DSP: variants seen among roughly 807,000 people sequenced by gnomAD.
DSP encodes desmoplakin.
DSP carries 114 observed loss-of-function variants against 290.6 expected under a neutral mutation model. That is an observed-to-expected ratio of 0.39 (90% confidence interval 0.34 to 0.46). The LOEUF is 0.46. DSP is among the 20% of genes least tolerant of loss of function. The pLI is 0.99. For missense variants in DSP, 3,230 were observed against 3,495.8 expected, an observed-to-expected ratio of 0.92 and a Z score of 1.92; for synonymous variants, 1,311 against 1,316.4, an observed-to-expected ratio of 1.00 and a Z score of 0.09.
intron 1 of DSP, among the ~76,000 whole-genome samples, chr6:7,554,730 C>T (rs1323412230): frequency 6.6e-6 from 1 of 152,136 alleles, no homozygotes; most frequent in Non-Finnish European, 1.5e-5. Flanking sequence ...CTGTAGCCTC[C>T]AACTCGTGGG....
chr6:7,586,167 C>T lies in DSP; in HGVS notation c.*289C>T, dbSNP rs886061749. The T allele has an allele frequency of 1.1e-4, 32 of 304,104 alleles. 1 individual carries two copies. Among genetic ancestry groups the T allele is most frequent in the African/African-American group, 6.5e-5 (3 of 45,938 alleles). 18.8% of individuals were successfully genotyped at this position (304,104 alleles called of 1,614,324 possible). ...GATTTGTTTCTTCTCTTCTGTGTTT[C>T]GATTTTTGATCAATTCTTTAATTTT... On this transcript the variant is annotated 3_prime_UTR_variant, in exon 24 of 24. Transcript: ENST00000379802.
At position 7,559,124 on chromosome 6, in the gene DSP, C is replaced by T. The variant is rs1487781455; in HGVS notation, c.423-102C>T. On this transcript the variant is annotated intron_variant, in intron 3 of 23. Coordinates refer to ENST00000379802, the MANE Select transcript of DSP (RefSeq NM_004415.4). ...TTCAAATACCATAAAACATTTGTAG[C>T]TTCTCTATTGACACAAAAGACTCAG... 3.1e-6 allele frequency: 4 copies of T among 1,307,682 alleles called. No homozygotes were observed. The East Asian group carries it at 6.9e-5, about 23-fold the overall frequency. The allele number at this position is 1,307,682 out of a possible 1,614,324, so 81.0% of individuals were successfully genotyped here.
intron 18 of DSP, among the ~76,000 whole-genome samples, chr6:7,575,791 A>T (rs768208289): frequency 2.6e-5 from 4 of 152,224 alleles, no homozygotes; most frequent in Admixed American, 6.5e-5. Context: ...TGGAAGGAGT[A>T]GCTGCCTTGA....
Position 7,583,778 on chromosome 6 carries a change from T to G in DSP, c.6516T>G (p.Phe2172Leu), listed in dbSNP as rs1266595950. The G allele has an allele frequency of 6.2e-7, 1 of 1,614,026 alleles. No individual in the cohort carries two copies. Among genetic ancestry groups the G allele is most frequent in the Admixed American group, 1.7e-5 (1 of 60,006 alleles). Residue 2172 changes from phenylalanine to leucine, a missense_variant, in exon 24 of 24, where the codon TTT becomes TTG. Transcript: ENST00000379802. This position sits in a 1 kb window ranked among gnomAD's most constrained non-coding sequence, Gnocchi z 4.0. ...LNDPRDSQKN[F>L]VDPVTKKKVS... is the part of the protein sequence containing the mutation. ...ATCCCCGAGATAGTCAGAAAAACTTTGTGGATCCAGTCACCAAAAAGAAGG... is the reference window on the plus strand; with the variant it reads ...ATCCCCGAGATAGTCAGAAAAACTTGGTGGATCCAGTCACCAAAAAGAAGG...
rs749695729 is a variant in DSP at position 7,566,435 on chromosome 6, G to C, written c.998G>C (p.Ser333Thr). ...EKELNKLKQE[S>T]DQLVLNQHPA... ...GAGCTCAATAAGCTGAAACAAGAAAGTGACCAACTTGTCCTCAATCAGCAT... is the reference window on the plus strand; with the variant it reads ...GAGCTCAATAAGCTGAAACAAGAAACTGACCAACTTGTCCTCAATCAGCAT... Residue 333 changes from serine to threonine, a missense_variant, in exon 8 of 24, where the codon AGT becomes ACT. Coordinates refer to ENST00000379802, the MANE Select transcript of DSP (RefSeq NM_004415.4). 2 of 1,613,934 alleles carry C rather than the reference G, an allele frequency of 1.2e-6. No individual in the cohort carries two copies. The highest frequency in any genetic ancestry group is 1.3e-5 in the African/African-American group (1 of 74,994).
rs1759370500 is a variant in DSP, at chr6:7,580,005, A to G, written c.3815A>G (p.Glu1272Gly). 6.2e-7 allele frequency: 1 copy of G among 1,614,182 alleles called. No homozygotes were observed. Among genetic ancestry groups the G allele is most frequent in the Non-Finnish European group, 8.5e-7 (1 of 1,180,040 alleles). Reference sequence around the variant, plus strand: ...ACTGAGCAGCGAAGGCGAGCTGAAGAAAACGCCCTTCAGCAAAAGGCCTGT... The same window carrying G: ...ACTGAGCAGCGAAGGCGAGCTGAAGGAAACGCCCTTCAGCAAAAGGCCTGT... ...QATEQRRRAE[E>G]NALQQKACGS... is the part of the protein sequence containing the mutation. The change falls in exon 23 of 24, where the codon GAA becomes GGA. Residue 1272 changes from glutamate to glycine, a missense_variant. Around this residue, in one of 5 missense-constraint regions of DSP, gnomAD observed 1,714 missense variants for 1,844.5 expected, o/e 0.93. Coordinates refer to ENST00000379802, the MANE Select transcript of DSP (RefSeq NM_004415.4). The surrounding 1 kb of genome is among the most constrained non-coding windows in gnomAD (Gnocchi z 4.2).
Position 7,581,309 on chromosome 6 carries a change from C to T in DSP, c.5119C>T (p.Gln1707Ter). The T allele has an allele frequency of 6.2e-7, 1 of 1,614,170 alleles. No individual in the cohort carries two copies. The highest frequency in any genetic ancestry group is 8.5e-7 in the Non-Finnish European group (1 of 1,180,048). Residue 1707 changes from glutamine (Q) to a stop codon, truncating the protein, a stop_gained, in exon 23 of 24, where the codon CAG becomes TAG. Coordinates refer to ENST00000379802, the MANE Select transcript of DSP (RefSeq NM_004415.4). LOFTEE classifies it high-confidence loss of function. Reference sequence around the variant, plus strand: ...AAGCAAAATAGAAATTGAGAGGCTGCAGTCTCTCACAGAGAACCTGACCAA... The same window carrying T: ...AAGCAAAATAGAAATTGAGAGGCTGTAGTCTCTCACAGAGAACCTGACCAA... Reference protein sequence around the residue: ...NESKIEIERLQSLTENLTKEH... With the variant: ...NESKIEIERL
intron 1 of DSP, among the ~76,000 whole-genome samples, chr6:7,550,695 T>A (rs995568533): frequency 6.6e-6 from 1 of 152,152 alleles, no homozygotes; most frequent in Non-Finnish European, 1.5e-5. Context: ...AGTTAAAAAC[T>A]TTTAAGGATG....
intron 2 of DSP, 49 bp downstream of exon 2, chr6:7,555,869 C>A (rs900344614): frequency 1.3e-6 from 2 of 1,552,198 alleles, no homozygotes; most frequent in Admixed American, 3.5e-5. Context: ...TGGCCACACC[C>A]GACTGTCCTC....
intron 6 of DSP, 116 bp downstream of exon 6, chr6:7,563,902 G>A: frequency 1.1e-6 from 1 of 928,962 alleles, no homozygotes; most frequent in Non-Finnish European, 1.8e-6. Flanking sequence ...TGCTAATGTT[G>A]TTGCTGCTGC....
At chr6:7,545,924 A>G (rs1758158868) in intron 1 of DSP, among the ~76,000 whole-genome samples, 1 of 152,232 alleles carries the variant, frequency 6.6e-6, no homozygotes, top group Admixed American at 6.5e-5. Flanking sequence ...AGGCAGTAAG[A>G]TGAAAGGAAG....
chr6:7,542,640 T>A (rs1216881540), intron 1 of DSP, among the ~76,000 whole-genome samples: 1 of 151,918 alleles, frequency 6.6e-6, no homozygotes, highest in Non-Finnish European at 1.5e-5. Context: ...GTATCAAGGC[T>A]GCGCGTCCCG....
chr6:7,575,853 G>A (rs1759225062), intron 18 of DSP, among the ~76,000 whole-genome samples: 1 of 152,148 alleles, frequency 6.6e-6, no homozygotes, highest in Non-Finnish European at 1.5e-5. Context: ...CAAAAAAAAT[G>A]CCTTTCTGCA....
Position 7,582,695 on chromosome 6 carries a change from AAGAG to A in DSP, c.5438_5441del (p.Glu1813AlafsTer4). ...ATCAGTGTACTCAGGTGGTACAGGAAAGAGAGAGCCTTCTGGTGAAAATCAAAGT... is the reference window on the plus strand; with the variant it reads ...ATCAGTGTACTCAGGTGGTACAGGAAAGAGCCTTCTGGTGAAAATCAAAGT... On this transcript the variant is annotated frameshift_variant, in exon 24 of 24. Transcript: ENST00000379802. LOFTEE classifies it high-confidence loss of function. This position sits in a 1 kb window ranked among gnomAD's most constrained non-coding sequence, Gnocchi z 4.2. 6.2e-7 allele frequency: 1 copy of A among 1,613,802 alleles called. No homozygotes were observed. The highest frequency in any genetic ancestry group is 8.5e-7 in the Non-Finnish European group (1 of 1,179,916).
Position 7,586,205 on chromosome 6 carries a change from TACA to T in DSP, c.*328_*330del. 2 of 231,008 alleles carry T rather than the reference TACA, an allele frequency of 8.7e-6. No individual in the cohort carries two copies. The highest frequency in any genetic ancestry group is 1.7e-5 in the Non-Finnish European group (2 of 117,594). The allele number at this position is 231,008 out of a possible 1,614,324, so 14.3% of individuals were successfully genotyped here. A position where few individuals can be genotyped will look rare whatever the true frequency, so the allele number is the denominator to read the frequency against. ...ATTCTTTAATTTTGGAAGCCTATAA[TACA>T]GTTTTCTATTCTTGGAGATAAAAAT... is the stretch of plus-strand genomic sequence containing the variant. On this transcript the variant is annotated 3_prime_UTR_variant, in exon 24 of 24. Coordinates refer to ENST00000379802, the MANE Select transcript of DSP (RefSeq NM_004415.4).
chr6:7,585,450 C>T lies in DSP; in HGVS notation c.8188C>T (p.Gln2730Ter). The change falls in exon 24 of 24, where the codon CAG becomes TAG. Residue 2730 changes from glutamine (Q) to a stop codon, truncating the protein, a stop_gained. Transcript: ENST00000379802. LOFTEE classifies it high-confidence loss of function. Reference protein sequence around the residue: ...YEAGQRFLEFQYLTGGLVDPE... With the variant: ...YEAGQRFLEF ...GGCTGGCCAGCGCTTCCTGGAGTTCCAGTACCTCACGGGAGGTCTTGTTGA... is the reference window on the plus strand; with the variant it reads ...GGCTGGCCAGCGCTTCCTGGAGTTCTAGTACCTCACGGGAGGTCTTGTTGA... 1 of 1,614,144 alleles carries T rather than the reference C, an allele frequency of 6.2e-7. No individual in the cohort carries two copies. Among genetic ancestry groups the T allele is most frequent in the Non-Finnish European group, 8.5e-7 (1 of 1,180,018 alleles).
Position 7,575,371 on chromosome 6 carries a change from T to G in DSP, c.2513T>G (p.Ile838Ser). The G allele has an allele frequency of 6.2e-7, 1 of 1,614,014 alleles. No individual in the cohort carries two copies. The highest frequency in any genetic ancestry group is 1.3e-5 in the African/African-American group (1 of 74,974). ...MKTELQKAQQ[I>S]HSQTSQQYPL... ...ACAGAACTACAGAAAGCCCAGCAGATCCACTCTCAGACTTCACAGCAGTAT... is the reference window on the plus strand; with the variant it reads ...ACAGAACTACAGAAAGCCCAGCAGAGCCACTCTCAGACTTCACAGCAGTAT... The change falls in exon 18 of 24, where the codon ATC becomes AGC. Residue 838 changes from isoleucine to serine, a missense_variant. Around this residue, in one of 5 missense-constraint regions of DSP, gnomAD observed 1,714 missense variants for 1,844.5 expected, o/e 0.93. Transcript: ENST00000379802.
In DSP at chr6:7,566,402, A is replaced by G. The variant is rs757098196; in HGVS notation, c.965A>G (p.Lys322Arg). 3 of 1,613,942 alleles carry G rather than the reference A, an allele frequency of 1.9e-6. No individual in the cohort carries two copies. In the Admixed American group the frequency reaches 5.0e-5, roughly 27 times the overall value. ...ATACGCATGAGTCAACTGGAAGTTA[A>G]AGAAAAAGAGCTCAATAAGCTGAAA... ...FSIRMSQLEV[K>R]EKELNKLKQE... The change falls in exon 8 of 24, where the codon AAA becomes AGA. Residue 322 changes from lysine (K) to arginine (R), a missense_variant. Around this residue, in one of 5 missense-constraint regions of DSP, gnomAD observed 646 missense variants for 684.3 expected, o/e 0.94. Coordinates refer to ENST00000379802, the MANE Select transcript of DSP (RefSeq NM_004415.4).
Position 7,576,462 on chromosome 6 carries a change from A to G in DSP, c.2793+6A>G, listed in dbSNP as rs1169186602. ...GGTTTTTGAATGAGCAGAAGGTATA[A>G]GCCAACTTTTTGTTCCATAGCTGTT... is the stretch of plus-strand genomic sequence containing the variant. On this transcript the variant is annotated splice_donor_region_variant and intron_variant, in intron 19 of 23. Coordinates refer to ENST00000379802, the MANE Select transcript of DSP (RefSeq NM_004415.4). 1 of 1,614,116 alleles carries G rather than the reference A, an allele frequency of 6.2e-7. No homozygotes were observed. The highest frequency in any genetic ancestry group is 8.5e-7 in the Non-Finnish European group (1 of 1,179,984).
Sources: allele counts gnomAD v4.1 joint callset (sites outside exome capture counted in the v4.1 genomes callset), GRCh38; gene constraint gnomAD v4.1.1; regional missense constraint gnomAD v4.1.1; non-coding constraint Gnocchi (gnomAD v3.1); transcripts MANE v1.5; gene names NCBI Gene and HGNC (gene_info 2026-07-23, HGNC 2026-07-21).